Variants in GLIS3 observed in about 807,000 individuals in gnomAD.
GLIS3 encodes the protein GLIS family zinc finger 3.
A neutral mutation model predicts 78.6 loss-of-function variants in GLIS3; 53 were observed. The ratio of observed to expected loss-of-function variants is 0.67; its 90% confidence interval spans 0.54 to 0.85. GLIS3 has a LOEUF of 0.85. Among genes scored for constraint, GLIS3 ranks in the 40% least tolerant of loss-of-function variants. The pLI, the probability that GLIS3 is intolerant of heterozygous loss-of-function variation, is 0.00. For missense variants in GLIS3, 1,703 were observed against 1,231.1 expected (o/e 1.38, Z -5.74); for synonymous variants, 684 against 509.9 (o/e 1.34, Z -4.60).
intron 8 of GLIS3, among the ~76,000 whole-genome samples, chr9:3,858,973 A>AAGTT (rs564152105): frequency 1.3e-5 from 2 of 152,242 alleles, no homozygotes; most frequent in Non-Finnish European, 2.9e-5. Context: ...AATATTTATA[A>AAGTT]AGTTAGTTAC....
chr9:4,134,135 C>A lies in GLIS3; in HGVS notation c.389-8194G>T, dbSNP rs141670236. On this transcript the variant is annotated intron_variant, in intron 2 of 10. Coordinates refer to ENST00000381971, the MANE Select transcript of GLIS3 (RefSeq NM_001042413.2). ...CTCTCAACCATACCCTTTTACTGTG[C>A]AAACCTGTTTTATATAAGCCTGGCC... 5.6e-4 allele frequency among the ~76,000 whole-genome samples: 85 copies of A among 152,210 alleles called. 1 individual carries two copies. Among genetic ancestry groups the A allele is most frequent in the African/African-American group, 1.9e-3 (78 of 41,530 alleles).
At chr9:3,844,481 C>A (rs991281084) in intron 9 of GLIS3, among the ~76,000 whole-genome samples, 2 of 152,128 alleles carry the variant, frequency 1.3e-5, no homozygotes, top group African/African-American at 4.8e-5. Flanking sequence ...GGTATAAGAA[C>A]ATTTGCTTCT....
At chr9:3,979,946 C>G (rs755854484) in intron 4 of GLIS3, among the ~76,000 whole-genome samples, 2 of 152,024 alleles carry the variant, frequency 1.3e-5, no homozygotes, top group African/African-American at 2.4e-5. Flanking sequence ...ACGTAAGGAA[C>G]GGCAGATAAC....
chr9:4,115,329 A>C (rs572616695), intron 4 of GLIS3, among the ~76,000 whole-genome samples: 1 of 152,260 alleles, frequency 6.6e-6, no homozygotes, highest in South Asian at 2.1e-4. Context: ...CAAAAACCAA[A>C]GGTCACTTCG....
chr9:4,458,286 G>A, the GLIS3 span, among the ~76,000 whole-genome samples: 1 of 152,186 alleles, frequency 6.6e-6, no homozygotes, highest in Admixed American at 6.5e-5. Context: ...GGCATGCATT[G>A]TTCTAGGCAC....
At chr9:4,382,370 TC>T in the GLIS3 span, among the ~76,000 whole-genome samples, 2 of 152,022 alleles carry the variant, frequency 1.3e-5, no homozygotes, top group Non-Finnish European at 2.9e-5. Flanking sequence ...AAAATGCCTT[TC>T]CCCCATCCTG....
chr9:4,295,409 T>A (rs943032458), intron 1 of GLIS3, among the ~76,000 whole-genome samples: 1 of 152,240 alleles, frequency 6.6e-6, no homozygotes, highest in African/African-American at 2.4e-5. Flanking sequence ...TATTAAGTAA[T>A]GCCTCACTAA....
chr9:4,358,897 G>T, the GLIS3 span, among the ~76,000 whole-genome samples: 2 of 152,168 alleles, frequency 1.3e-5, no homozygotes, highest in Admixed American at 6.5e-5. Flanking sequence ...CACTGCTGCT[G>T]CCTCCACTCT....
chr9:4,240,952 T>G (rs940943799), intron 2 of GLIS3, among the ~76,000 whole-genome samples: 6 of 1,412 alleles, frequency 4.2e-3, no homozygotes, highest in Non-Finnish European at 9.5e-3. Flanking sequence ...AAAATATGTA[T>G]GAGTGTGTGT....
rs764162853 is a variant in GLIS3, at chr9:3,995,547, A to T, written c.1711-58358T>A. 1.5e-3 allele frequency among the ~76,000 whole-genome samples: 222 copies of T among 152,220 alleles called. 2 individuals are homozygous for T. Among genetic ancestry groups the T allele is most frequent in the Middle Eastern group, 0.014 (4 of 294 alleles). On this transcript the variant is annotated intron_variant, in intron 4 of 10. Transcript: ENST00000381971. ...ATATCAGATATATAAGTATAAATAA[A>T]TTTTTTTAAAAAAGAAAAATGAATG...
At chr9:4,085,949 G>A (rs1206678077) in intron 4 of GLIS3, among the ~76,000 whole-genome samples, 1 of 152,088 alleles carries the variant, frequency 6.6e-6, no homozygotes, top group Admixed American at 6.6e-5. Context: ...ACCCAGTCCT[G>A]GGTATTTCTT....
At chr9:4,265,150 C>T (rs1429341769) in intron 2 of GLIS3, among the ~76,000 whole-genome samples, 3 of 131,482 alleles carry the variant, frequency 2.3e-5, no homozygotes, top group Non-Finnish European at 4.7e-5. Flanking sequence ...CCAAACTGGG[C>T]AACAGAGTGA....
At chr9:4,097,047 G>A (rs577218404) in intron 4 of GLIS3, among the ~76,000 whole-genome samples, 103 of 152,184 alleles carry the variant, frequency 6.8e-4, no homozygotes, top group African/African-American at 2.4e-3. Context: ...AAGGTGGAAA[G>A]GAAACAAAGG....
intron 2 of GLIS3, among the ~76,000 whole-genome samples, chr9:4,332,495 C>A (rs1817700681): frequency 6.6e-6 from 1 of 152,196 alleles, no homozygotes; most frequent in South Asian, 2.1e-4. Flanking sequence ...TTACTTTTGT[C>A]TTCCTCTCTC....
At chr9:3,914,168 A>T (rs1253242986) in intron 6 of GLIS3, among the ~76,000 whole-genome samples, 2 of 151,960 alleles carry the variant, frequency 1.3e-5, no homozygotes, top group African/African-American at 4.8e-5. Context: ...TTTTAGAGAT[A>T]GTGTGTTTGC....
intron 2 of GLIS3, among the ~76,000 whole-genome samples, chr9:4,146,495 G>A (rs1301128278): frequency 6.6e-6 from 1 of 152,120 alleles, no homozygotes; most frequent in East Asian, 1.9e-4. Flanking sequence ...TCAATTTAGG[G>A]TTAATGACTA....
intron 1 of GLIS3, chr9:4,298,403 G>A (rs901388053): frequency 2.2e-6 from 1 of 456,266 alleles, no homozygotes; most frequent in East Asian, 7.0e-5. Flanking sequence ...TCATCCATAG[G>A]ATGACAAATC....
intron 8 of GLIS3, among the ~76,000 whole-genome samples, chr9:3,877,534 G>A (rs989508958): frequency 2.0e-5 from 3 of 152,046 alleles, no homozygotes; most frequent in African/African-American, 7.2e-5. Context: ...TTATTATTCT[G>A]TCTTCTTCCC....
chr9:4,230,585 G>C (rs192507033), intron 2 of GLIS3, among the ~76,000 whole-genome samples: 2 of 152,084 alleles, frequency 1.3e-5, no homozygotes, highest in Admixed American at 6.6e-5. Flanking sequence ...ATTGAGTCAG[G>C]TTTTCTGCTT....
Sources: gnomAD v4.1 joint callset for allele counts (sites outside exome capture counted in the v4.1 genomes callset) on GRCh38, gnomAD v4.1.1 for gene constraint, MANE v1.5 for transcripts, NCBI Gene and HGNC (gene_info 2026-07-23, HGNC 2026-07-21) for gene names.